ATAD2B: variants seen among roughly 807,000 people sequenced by gnomAD.
The protein encoded by ATAD2B is ATPase family AAA domain containing 2B, also known as ATPase family AAA domain-containing protein 2B.
A neutral mutation model predicts 167.6 loss-of-function variants in ATAD2B; 40 were observed. That is an observed-to-expected ratio of 0.24 (90% CI 0.19 to 0.31). The LOEUF (loss-of-function observed/expected upper bound fraction) is 0.31. ATAD2B is among the 10% of genes least tolerant of loss of function. The pLI, the probability that ATAD2B is intolerant of heterozygous loss-of-function variation, is 1.00. For synonymous variants in ATAD2B, 579 were observed against 596.5 expected (o/e 0.97, Z 0.43); for missense variants, 1,242 against 1,757.2 (o/e 0.71, Z 5.24).
chr2:23,782,907 C>T lies in ATAD2B; in HGVS notation c.3095G>A (p.Ser1032Asn). ...ATCTGGATTATACTCTAAAGCATTG[C>T]TACAGATGAGGTCAATATCTTTCAG... ...DFLKDIDLIC[S>N]NALEYNPDKD... The change falls in exon 22 of 28, where the codon AGC (serine) becomes AAC (asparagine). Residue 1032 changes from serine (S) to asparagine (N), a missense_variant. By Grantham distance (46) the Ser-to-Asn change is conservative (BLOSUM62 1). Transcript: ENST00000238789. 1.2e-6 allele frequency: 2 copies of T among 1,612,596 alleles called. No homozygotes were observed. Among genetic ancestry groups the T allele is most frequent in the Non-Finnish European group, 8.5e-7 (1 of 1,179,138 alleles).
intron 4 of ATAD2B, 64 bp from the exon 5 acceptor site, chr2:23,885,893 T>C (rs1698596719): frequency 1.1e-6 from 1 of 927,118 alleles, no homozygotes; most frequent in South Asian, 1.6e-5. Context: ...AAAGAGCTCT[T>C]TGTGAAAGTG....
chr2:23,706,370 C>T, the ATAD2B span: 6 of 782,298 alleles, frequency 7.7e-6, no homozygotes, highest in African/African-American at 1.1e-4. Context: ...ATCCCAGATG[C>T]CTTCTGCAAA....
intron 13 of ATAD2B, among the ~76,000 whole-genome samples, chr2:23,843,983 G>A (rs1691343255): frequency 6.6e-6 from 1 of 152,128 alleles, no homozygotes; most frequent in Non-Finnish European, 1.5e-5. Flanking sequence ...CTGTCACCCA[G>A]GCTGGAGTGC....
rs1692079446 is a variant in ATAD2B, at chr2:23,848,738, A to G, written c.1568+8677T>C. Reference sequence around the variant, plus strand: ...TCCAAATGAAGGTGGAACAATAGGAAAAGGGAAAACAAGAAACAGGCTAAG... The same window carrying G: ...TCCAAATGAAGGTGGAACAATAGGAGAAGGGAAAACAAGAAACAGGCTAAG... On this transcript the variant is annotated intron_variant, in intron 13 of 27. Transcript: ENST00000238789. 2.0e-5 allele frequency among the ~76,000 whole-genome samples: 3 copies of G among 152,348 alleles called. No individual in the cohort carries two copies. The South Asian group carries it at 6.2e-4, about 32-fold the overall frequency.
intron 17 of ATAD2B, among the ~76,000 whole-genome samples, chr2:23,816,281 A>G (rs1686441381): frequency 6.6e-6 from 1 of 152,228 alleles, no homozygotes; most frequent in South Asian, 2.1e-4. Context: ...TCTTTGACAC[A>G]GCAATTGCAG....
intron 19 of ATAD2B, among the ~76,000 whole-genome samples, chr2:23,796,178 A>T (rs887549958): frequency 2.2e-4 from 34 of 152,342 alleles, no homozygotes; most frequent in African/African-American, 6.0e-4. Context: ...GAATTCCCAT[A>T]ATCTTCAGCC....
chr2:23,727,858 G>C, the ATAD2B span, among the ~76,000 whole-genome samples: 11 of 152,268 alleles, frequency 7.2e-5, no homozygotes, highest in African/African-American at 2.6e-4. Context: ...ATTCTAGAAA[G>C]ACAAAACTAT....
intron 22 of ATAD2B, among the ~76,000 whole-genome samples, chr2:23,781,536 G>A (rs1204504922): frequency 1.3e-5 from 2 of 151,688 alleles, no homozygotes; most frequent in East Asian, 1.9e-4. Context: ...GTGGTGGCAG[G>A]TGCCTGAAAT....
intron 1 of ATAD2B, among the ~76,000 whole-genome samples, chr2:23,919,594 G>A (rs148547899): frequency 0.039 from 5,881 of 152,132 alleles, 110 homozygotes; most frequent in Admixed American, 0.046. Context: ...TGTAATCCCA[G>A]CACTTTGAGA....
Position 23,869,710 on chromosome 2 carries a change from T to A in ATAD2B, c.1029A>T (p.Glu343Asp). ...HSSDTTSSDE[E>D]RFERRKSKSM... ...TCTTTGATTTCCTTCTTTCAAAGCG[T>A]TCCTCATCAGAAGAAGTTGTGTCAC... Residue 343 changes from glutamate (E) to aspartate (D), a missense_variant, in exon 9 of 28, where the codon GAA becomes GAT. By Grantham distance (45) the Glu-to-Asp change is conservative. Around this residue, in one of 9 missense-constraint regions of ATAD2B, gnomAD observed 127 missense variants for 146.3 expected, o/e 0.87. Coordinates refer to ENST00000238789, the MANE Select transcript of ATAD2B (RefSeq NM_017552.4). 6.4e-7 allele frequency: 1 copy of A among 1,569,008 alleles called. No individual in the cohort carries two copies. The highest frequency in any genetic ancestry group is 8.7e-7 in the Non-Finnish European group (1 of 1,154,974).
the ATAD2B span, chr2:23,690,736 G>A: frequency 6.6e-6 from 1 of 152,290 alleles, no homozygotes; most frequent in Non-Finnish European, 1.5e-5. Flanking sequence ...TTATGTATCA[G>A]TGTCACTCTT....
the ATAD2B span, among the ~76,000 whole-genome samples, chr2:23,742,087 C>T: frequency 6.6e-6 from 1 of 152,124 alleles, no homozygotes; most frequent in African/African-American, 2.4e-5. Flanking sequence ...GAAATAGGAA[C>T]ACTTTTACAC....
At chr2:23,838,887 G>T (rs1259575159) in intron 13 of ATAD2B, among the ~76,000 whole-genome samples, 1 of 152,012 alleles carries the variant, frequency 6.6e-6, no homozygotes, top group Non-Finnish European at 1.5e-5. Flanking sequence ...ATAACTAGTA[G>T]AGCAAGTGCT....
At chr2:23,888,986 A>G (rs1699082418) in intron 2 of ATAD2B, among the ~76,000 whole-genome samples, 1 of 152,238 alleles carries the variant, frequency 6.6e-6, no homozygotes, top group Admixed American at 6.5e-5. Flanking sequence ...GAGGACTAGG[A>G]AAAAGTCACC....
chr2:23,764,180 T>C (rs186352969), intron 23 of ATAD2B, among the ~76,000 whole-genome samples: 1 of 152,334 alleles, frequency 6.6e-6, no homozygotes, highest in African/African-American at 2.4e-5. Context: ...TGCCAAACCA[T>C]TTTCAAATGG....
At chr2:23,870,490 T>C (rs1695794540) in intron 8 of ATAD2B, among the ~76,000 whole-genome samples, 1 of 151,778 alleles carries the variant, frequency 6.6e-6, no homozygotes, top group Admixed American at 6.6e-5. Flanking sequence ...TTCACCATGT[T>C]TCCCAAGGTG....
intron 12 of ATAD2B, among the ~76,000 whole-genome samples, chr2:23,858,240 C>G (rs1008785399): frequency 5.9e-5 from 9 of 151,974 alleles, no homozygotes; most frequent in African/African-American, 9.7e-5. Flanking sequence ...CCTGCCTCAG[C>G]CTCCCGAGTA....
At chr2:23,684,388 C>G in the ATAD2B span, 1 of 1,493,210 alleles carries the variant, frequency 6.7e-7, no homozygotes, top group Non-Finnish European at 8.9e-7. The surrounding 1 kb of genome is among the most constrained non-coding windows in gnomAD (Gnocchi z 4.4). Context: ...TCTGTCTTCT[C>G]TGTTCTGCAG....
At chr2:23,699,882 T>C in the ATAD2B span, among the ~76,000 whole-genome samples, 1 of 152,216 alleles carries the variant, frequency 6.6e-6, no homozygotes, top group African/African-American at 2.4e-5. Context: ...TTGACCTCTC[T>C]CTTCAGAGAT....
Sources: allele counts gnomAD v4.1 joint callset (sites outside exome capture counted in the v4.1 genomes callset), GRCh38; gene constraint gnomAD v4.1.1; regional missense constraint gnomAD v4.1.1; non-coding constraint Gnocchi (gnomAD v3.1); transcripts MANE v1.5; gene names NCBI Gene and HGNC (gene_info 2026-07-23, HGNC 2026-07-21).